SUPT3H: variants seen among roughly 807,000 people sequenced by gnomAD.
SUPT3H encodes the protein transcription initiation protein SPT3 homolog.
A neutral mutation model predicts 44.3 loss-of-function variants in SUPT3H; 44 were observed. The ratio of observed to expected loss-of-function variants is 0.99; its 90% CI spans 0.78 to 1.28. SUPT3H has a LOEUF of 1.28. Among genes scored for constraint, SUPT3H ranks in the 50% most tolerant of loss-of-function variants. SUPT3H has a pLI of 0.00. For synonymous variants in SUPT3H, 124 were observed against 125.6 expected, an observed-to-expected ratio of 0.99 and a Z score of 0.09; for missense variants, 380 against 387.1, an observed-to-expected ratio of 0.98 and a Z score of 0.15.
chr6:44,852,393 G>A (rs1003387506), intron 10 of SUPT3H, among the ~76,000 whole-genome samples: 1 of 152,094 alleles, frequency 6.6e-6, no homozygotes, highest in African/African-American at 2.4e-5. Flanking sequence ...CATATAATAT[G>A]GCACCTACAT....
At chr6:45,083,996 G>C (rs1796163252) in intron 3 of SUPT3H, among the ~76,000 whole-genome samples, 1 of 152,146 alleles carries the variant, frequency 6.6e-6, no homozygotes, top group South Asian at 2.1e-4. Flanking sequence ...ATTAACTCAA[G>C]ATACATTAAA....
chr6:45,012,325 T>G lies in SUPT3H; in HGVS notation c.364+2476A>C, dbSNP rs575547435. ...CACACTTAATGGTGCTCTACATTTC[T>G]CTGAAGCTGTTAATTTTTCTTTATT... On this transcript the variant is annotated intron_variant, in intron 5 of 10. Coordinates refer to ENST00000371459, the MANE Select transcript of SUPT3H (RefSeq NM_003599.4). 1.5e-4 allele frequency among the ~76,000 whole-genome samples: 23 copies of G among 152,062 alleles called. No individual in the cohort carries two copies. The South Asian group carries it at 4.4e-3, about 29-fold the overall frequency.
chr6:45,360,544 T>C (rs1794073936), intron 2 of SUPT3H, among the ~76,000 whole-genome samples: 1 of 152,200 alleles, frequency 6.6e-6, no homozygotes, highest in Non-Finnish European at 1.5e-5. Flanking sequence ...ATCAGGGCTC[T>C]CTAAAGTCAG....
intron 10 of SUPT3H, among the ~76,000 whole-genome samples, chr6:44,902,949 G>A (rs1265809609): frequency 1.3e-5 from 2 of 152,128 alleles, no homozygotes; most frequent in East Asian, 3.9e-4. Context: ...ATCATGAAAT[G>A]AAGGCAGAAA....
intron 11 of SUPT3H, chr6:44,809,594 A>C (rs1173138844): frequency 2.0e-5 from 3 of 152,254 alleles, no homozygotes; most frequent in Non-Finnish European, 4.4e-5. Flanking sequence ...GCTTCTAAAA[A>C]GGCATTACAA....
chr6:45,292,790 T>A (rs186547113), intron 2 of SUPT3H, among the ~76,000 whole-genome samples: 1 of 104,350 alleles, frequency 9.6e-6, no homozygotes, highest in East Asian at 4.5e-4. Context: ...AATATCACAA[T>A]CCTAAAAATA....
intron 2 of SUPT3H, among the ~76,000 whole-genome samples, chr6:45,205,614 T>C (rs1763105990): frequency 6.6e-6 from 1 of 152,010 alleles, no homozygotes; most frequent in Admixed American, 6.6e-5. Flanking sequence ...CTAGCCAACA[T>C]GGTGAAACCC....
Position 45,020,572 on chromosome 6 carries a change from G to T in SUPT3H, c.247C>A (p.Leu83Ile). Residue 83 changes from leucine to isoleucine, a missense_variant, in exon 4 of 11, where the codon CTT becomes ATT. By Grantham distance (5) the Leu-to-Ile change is conservative. Transcript: ENST00000371459. The stretch of plus-strand genomic sequence containing the variant: ...TTATCTTTGCGCATCAAAAACAGAA[G>T]ATCTTCAGGAGTGATTACCCTTGCT... ...RGARVITPEDLLFLMRKDKKK... is the reference protein window; with the variant it reads ...RGARVITPEDILFLMRKDKKK... 1 of 1,611,294 alleles carries T rather than the reference G, an allele frequency of 6.2e-7. No individual in the cohort carries two copies. The highest frequency in any genetic ancestry group is 1.1e-5 in the South Asian group (1 of 90,800).
At chr6:44,919,845 C>A (rs563763628) in intron 10 of SUPT3H, among the ~76,000 whole-genome samples, 2 of 152,162 alleles carry the variant, frequency 1.3e-5, no homozygotes, top group South Asian at 2.1e-4. Flanking sequence ...CCCCTCACAC[C>A]AGTCTCTTCT....
At chr6:45,297,891 T>C (rs901656818) in intron 2 of SUPT3H, among the ~76,000 whole-genome samples, 2 of 152,206 alleles carry the variant, frequency 1.3e-5, no homozygotes, top group African/African-American at 4.8e-5. Context: ...TTTACACATA[T>C]TATTTCATTT....
At chr6:45,110,202 C>T (rs1799844059) in intron 2 of SUPT3H, among the ~76,000 whole-genome samples, 1 of 152,246 alleles carries the variant, frequency 6.6e-6, no homozygotes, top group African/African-American at 2.4e-5. Context: ...TTATTCAATC[C>T]TGGGATGAAA....
chr6:44,818,614 A>C (rs1461676688), intron 11 of SUPT3H, among the ~76,000 whole-genome samples: 1 of 152,216 alleles, frequency 6.6e-6, no homozygotes, highest in Non-Finnish European at 1.5e-5. Flanking sequence ...AAAGAGACAA[A>C]CAACCATGTT....
chr6:45,267,586 A>AT (rs1775457470), intron 2 of SUPT3H, among the ~76,000 whole-genome samples: 1 of 152,236 alleles, frequency 6.6e-6, no homozygotes, highest in Non-Finnish European at 1.5e-5. Flanking sequence ...GTTATTCTTC[A>AT]GTGCCTAATA....
At chr6:45,359,147 G>C (rs1167882630) in intron 2 of SUPT3H, among the ~76,000 whole-genome samples, 1 of 152,022 alleles carries the variant, frequency 6.6e-6, no homozygotes, top group Non-Finnish European at 1.5e-5. Flanking sequence ...AGAATTGATA[G>C]TAATATTTAA....
chr6:45,210,996 A>G (rs1417507424), intron 2 of SUPT3H, among the ~76,000 whole-genome samples: 1 of 152,206 alleles, frequency 6.6e-6, no homozygotes, highest in Non-Finnish European at 1.5e-5. Flanking sequence ...ACCAGTCCCA[A>G]AAGTTTTCCA....
At chr6:45,303,813 T>C (rs763731862) in intron 2 of SUPT3H, among the ~76,000 whole-genome samples, 18 of 151,398 alleles carry the variant, frequency 1.2e-4, no homozygotes, top group Admixed American at 8.5e-4. Flanking sequence ...GCCAATATGG[T>C]GAAACCTCAT....
chr6:45,345,178 T>TA (rs1790594823), intron 2 of SUPT3H, among the ~76,000 whole-genome samples: 1 of 152,184 alleles, frequency 6.6e-6, no homozygotes, highest in African/African-American at 2.4e-5. Flanking sequence ...TGACACTTTA[T>TA]AAAAATATCA....
intron 2 of SUPT3H, among the ~76,000 whole-genome samples, chr6:45,327,806 A>T (rs1786618564): frequency 6.6e-6 from 1 of 151,904 alleles, no homozygotes; most frequent in Non-Finnish European, 1.5e-5. Context: ...GAAGGAATCC[A>T]GCCACCCAGC....
intron 5 of SUPT3H, 126 bp downstream of exon 5, chr6:45,014,675 C>T: frequency 5.9e-6 from 3 of 511,842 alleles, no homozygotes; most frequent in Non-Finnish European, 9.9e-6. Flanking sequence ...AAGGGTATTC[C>T]ACTTGATTTG....
Sources: gnomAD v4.1 joint callset for allele counts (sites outside exome capture counted in the v4.1 genomes callset) on GRCh38, gnomAD v4.1.1 for gene constraint, MANE v1.5 for transcripts, NCBI Gene and HGNC (gene_info 2026-07-23, HGNC 2026-07-21) for gene names.